The following ATP6V1E1 variants were observed in gnomAD, a reference collection of about 807,000 sequenced individuals.
ATP6V1E1 encodes the protein ATPase H+ transporting V1 subunit E1, also known as V-type proton ATPase subunit E 1.
In ATP6V1E1, 21 loss-of-function variants were observed where a neutral mutation model predicts 35.2. The ratio of observed to expected loss-of-function variants is 0.60; its 90% confidence interval spans 0.42 to 0.86. The LOEUF (loss-of-function observed/expected upper bound fraction) is 0.86, where lower values mean the gene tolerates loss of function less well. ATP6V1E1 is among the 40% of genes least tolerant of loss of function. The pLI is 0.00. For missense variants in ATP6V1E1, 183 were observed against 272.6 expected (o/e 0.67, Z 2.32); for synonymous variants, 83 against 87.8 (o/e 0.95, Z 0.30).
intron 2 of ATP6V1E1, among the ~76,000 whole-genome samples, chr22:17,616,073 C>T (rs1357965707): frequency 2.0e-5 from 3 of 149,620 alleles, no homozygotes; most frequent in Non-Finnish European, 4.5e-5. Flanking sequence ...AAAAGCCGGG[C>T]GTGGTGGCTC....
rs561021737 is a variant in ATP6V1E1, at chr22:17,604,464, A to T, written c.277-3283T>A. On this transcript the variant is annotated intron_variant, in intron 4 of 8. Transcript: ENST00000253413. ...ACCTGATTATGATGTCAACATCAAAACCATATCTCCCTGGCCCTGCCTAGT... is the reference window on the plus strand; with the variant it reads ...ACCTGATTATGATGTCAACATCAAATCCATATCTCCCTGGCCCTGCCTAGT... Among the ~76,000 whole-genome samples, 4 of 152,218 alleles carry T rather than the reference A, an allele frequency of 2.6e-5. No individual in the cohort carries two copies. In the South Asian group the frequency reaches 8.3e-4, roughly 32 times the overall value.
intron 4 of ATP6V1E1, among the ~76,000 whole-genome samples, chr22:17,605,161 C>T (rs2057779656): frequency 7.1e-6 from 1 of 141,844 alleles, no homozygotes; most frequent in East Asian, 2.0e-4. Flanking sequence ...GTTGAGATCA[C>T]GCCATTGCAC....
At position 17,628,684 on chromosome 22, in the gene ATP6V1E1, G is replaced by C. The variant is rs2057940431; in HGVS notation, c.-49C>G. 6.2e-7 allele frequency: 1 copy of C among 1,612,854 alleles called. No homozygotes were observed. The highest frequency in any genetic ancestry group is 1.3e-5 in the African/African-American group (1 of 75,012). On this transcript the variant is annotated 5_prime_UTR_variant, in exon 1 of 9. Transcript: ENST00000253413. ...GAACAGTAGGCTCGAGTTTAGGTTT[G>C]AAAGGTGAGGTGAGAGAAATCGGCA...
Position 17,628,663 on chromosome 22 carries a change from A to G in ATP6V1E1, c.-28T>C. The stretch of plus-strand genomic sequence containing the variant: ...CGAGAGCAATGCTAGGCCGGTGAAC[A>G]GTAGGCTCGAGTTTAGGTTTGAAAG... On this transcript the variant is annotated 5_prime_UTR_variant, in exon 1 of 9. Transcript: ENST00000253413. The G allele has an allele frequency of 6.2e-7, 1 of 1,614,118 alleles. No homozygotes were observed. Among genetic ancestry groups the G allele is most frequent in the Non-Finnish European group, 8.5e-7 (1 of 1,179,990 alleles).
At chr22:17,613,086 C>T (rs938380903) in intron 3 of ATP6V1E1, 125 bp downstream of exon 3, 63 of 910,638 alleles carry the variant, frequency 6.9e-5, no homozygotes, top group Non-Finnish European at 9.8e-5. Flanking sequence ...AGAAGTTAAA[C>T]AATTTGTCAG....
At chr22:17,597,996 T>C in intron 7 of ATP6V1E1, 198 bp downstream of exon 7, 2 of 555,550 alleles carry the variant, frequency 3.6e-6, no homozygotes, top group Non-Finnish European at 6.4e-6. Context: ...TTTTAGAGTA[T>C]ATTTAGCCAG....
intron 2 of ATP6V1E1, among the ~76,000 whole-genome samples, chr22:17,615,975 T>C (rs974407342): frequency 6.6e-6 from 1 of 150,804 alleles, no homozygotes. Flanking sequence ...GAGGTTGCGG[T>C]GTGCTGAGAT....
At chr22:17,623,727 G>A (rs1309333409) in intron 1 of ATP6V1E1, among the ~76,000 whole-genome samples, 1 of 151,980 alleles carries the variant, frequency 6.6e-6, no homozygotes, top group Admixed American at 6.6e-5. Context: ...TACAAGTTTG[G>A]CCTCTAAAGG....
chr22:17,597,763 TG>T (rs2057739718), intron 7 of ATP6V1E1, among the ~76,000 whole-genome samples: 1 of 152,066 alleles, frequency 6.6e-6, no homozygotes, highest in South Asian at 2.1e-4. Flanking sequence ...CCTGGGTAGC[TG>T]GGACTACAGG....
At chr22:17,612,474 T>C (rs1271961174) in intron 4 of ATP6V1E1, 1 of 207,762 alleles carries the variant, frequency 4.8e-6, no homozygotes, top group East Asian at 1.1e-4. Context: ...CAGCTTTCTG[T>C]TGAAAACAGG....
intron 1 of ATP6V1E1, among the ~76,000 whole-genome samples, chr22:17,619,869 GATAA>G (rs1414190121): frequency 6.6e-6 from 1 of 152,150 alleles, no homozygotes; most frequent in African/African-American, 2.4e-5. Flanking sequence ...CAATAACACA[GATAA>G]ATAGGACCTT....
At chr22:17,622,917 G>C (rs971849502) in intron 1 of ATP6V1E1, among the ~76,000 whole-genome samples, 1 of 152,148 alleles carries the variant, frequency 6.6e-6, no homozygotes, top group Non-Finnish European at 1.5e-5. Flanking sequence ...GGTAGGCATA[G>C]ATTGTGCCAC....
chr22:17,594,407 G>A (rs568978547), intron 8 of ATP6V1E1, 122 bp downstream of exon 8: 4 of 790,114 alleles, frequency 5.1e-6, no homozygotes, highest in Non-Finnish European at 7.5e-6. Context: ...CATTCTTTTT[G>A]AGAAAATGTC....
chr22:17,618,992 T>C, intron 2 of ATP6V1E1: 2 of 452,038 alleles, frequency 4.4e-6, no homozygotes, highest in South Asian at 1.6e-5. Context: ...GAAGCGAGAC[T>C]GTCTCAAAAT....
chr22:17,616,669 A>C (rs1294997362), intron 2 of ATP6V1E1, among the ~76,000 whole-genome samples: 1 of 143,048 alleles, frequency 7.0e-6, no homozygotes, highest in Non-Finnish European at 1.5e-5. Flanking sequence ...ACAAGAATGA[A>C]ACTCCGGCTC....
rs540943193 is a variant in ATP6V1E1, at chr22:17,615,410, C to T, written c.100-2090G>A. ...CTATAATCCCAGCACTTTGGGAGGCCGAGGTAGGCGGATCACTTGAGGTCA... is the reference window on the plus strand; with the variant it reads ...CTATAATCCCAGCACTTTGGGAGGCTGAGGTAGGCGGATCACTTGAGGTCA... On this transcript the variant is annotated intron_variant, in intron 2 of 8. Coordinates refer to ENST00000253413, the MANE Select transcript of ATP6V1E1 (RefSeq NM_001696.4). Among the ~76,000 whole-genome samples, 21 of 151,298 alleles carry T rather than the reference C, an allele frequency of 1.4e-4. No homozygotes were observed. In the South Asian group the frequency reaches 4.2e-3, roughly 30 times the overall value.
chr22:17,614,635 G>A (rs1182666660), intron 2 of ATP6V1E1, among the ~76,000 whole-genome samples: 1 of 149,256 alleles, frequency 6.7e-6, no homozygotes, highest in Non-Finnish European at 1.5e-5. Context: ...TCACGCCATT[G>A]CACTCCAGCC....
At chr22:17,617,869 G>T (rs1057130521) in intron 2 of ATP6V1E1, among the ~76,000 whole-genome samples, 5 of 152,146 alleles carry the variant, frequency 3.3e-5, no homozygotes, top group Admixed American at 2.0e-4. Flanking sequence ...GAGTGCAGTG[G>T]CACGATCTCT....
At chr22:17,609,884 T>A (rs898925618) in intron 4 of ATP6V1E1, among the ~76,000 whole-genome samples, 1 of 152,170 alleles carries the variant, frequency 6.6e-6, no homozygotes, top group East Asian at 1.9e-4. Flanking sequence ...GGGAAAAAAG[T>A]TGAGAAGCAC....
Sources: allele counts gnomAD v4.1 joint callset (sites outside exome capture counted in the v4.1 genomes callset), GRCh38; gene constraint gnomAD v4.1.1; transcripts MANE v1.5; gene names NCBI Gene and HGNC (gene_info 2026-07-23, HGNC 2026-07-21).